ARHGAP32: variants seen among roughly 807,000 people sequenced by gnomAD.
ARHGAP32 encodes Rho GTPase activating protein 32.
Under a neutral mutation model 186.5 loss-of-function variants are expected in ARHGAP32, and 51 were observed. That is an observed-to-expected ratio of 0.27 (90% CI 0.22 to 0.35). ARHGAP32 has a LOEUF of 0.35. Ranked by LOEUF, ARHGAP32 falls within the 10% of genes least tolerant of loss-of-function variation. The probability of loss-of-function intolerance (pLI) is 1.00; values close to 1 mark genes in which losing one functional copy is unlikely to be tolerated. For synonymous variants in ARHGAP32, 950 were observed against 964.3 expected (o/e 0.99, Z 0.27); for missense variants, 2,186 against 2,623.5 (o/e 0.83, Z 3.64).
At chr11:129,068,348 C>T (rs1024112061) in intron 6 of ARHGAP32, among the ~76,000 whole-genome samples, 7 of 151,984 alleles carry the variant, frequency 4.6e-5, no homozygotes, top group Non-Finnish European at 8.8e-5. Flanking sequence ...GCTGTTTGTT[C>T]TTCCTGTCAT....
intron 18 of ARHGAP32, among the ~76,000 whole-genome samples, chr11:128,979,136 C>T (rs1231431748): frequency 1.3e-5 from 2 of 152,052 alleles, no homozygotes; most frequent in Admixed American, 1.3e-4. Context: ...AATATTTTCA[C>T]AAAGATCATT....
rs753663540 is a variant in ARHGAP32 at position 128,970,653 on chromosome 11, A to C, written c.4560T>G (p.Ser1520Arg). The C allele has an allele frequency of 3.7e-6, 6 of 1,613,894 alleles. No individual in the cohort carries two copies. The highest frequency in any genetic ancestry group is 5.1e-6 in the Non-Finnish European group (6 of 1,179,996). Residue 1520 changes from serine to arginine, a missense_variant, in exon 23 of 23, where the codon AGT (serine) becomes AGG (arginine). Physicochemically the swap from Ser to Arg is moderately radical, Grantham distance 110. Transcript: ENST00000682385. This position sits in a 1 kb window ranked among gnomAD's most constrained non-coding sequence, Gnocchi z 5.8. ...CCAATTTATTGTGATGGGGAGGTACACTCTGGGGACGGTACTGGCAGTTTG... is the reference window on the plus strand; with the variant it reads ...CCAATTTATTGTGATGGGGAGGTACCCTCTGGGGACGGTACTGGCAGTTTG... ...MTPNCQYRPQSVPPHHNKLEQ... is the reference protein window; with the variant it reads ...MTPNCQYRPQRVPPHHNKLEQ...
In ARHGAP32 at chr11:129,150,437, G is replaced by A. The variant is rs376600703; in HGVS notation, c.225+13882C>T. Reference sequence around the variant, plus strand: ...CAGTGCCCCACTCAGAACTTAAGACGAAAGAAAGAATCTTAAGAGCTGTGA... The same window carrying A: ...CAGTGCCCCACTCAGAACTTAAGACAAAAGAAAGAATCTTAAGAGCTGTGA... On this transcript the variant is annotated intron_variant, in intron 2 of 22. Transcript: ENST00000682385. 3.7e-4 allele frequency among the ~76,000 whole-genome samples: 57 copies of A among 152,158 alleles called. No homozygotes were observed. The South Asian group carries it at 8.7e-3, about 23-fold the overall frequency.
chr11:129,016,414 T>C (rs751308581), intron 11 of ARHGAP32, among the ~76,000 whole-genome samples: 2 of 152,218 alleles, frequency 1.3e-5, no homozygotes, highest in African/African-American at 2.4e-5. Context: ...CCCTATTTCT[T>C]CTAAAAACTT....
chr11:129,040,123 G>GTT lies in ARHGAP32; in HGVS notation c.1045+803_1045+804dup, dbSNP rs199720926. Among the ~76,000 whole-genome samples, 22 of 149,282 alleles carry GTT rather than the reference G, an allele frequency of 1.5e-4. 1 individual carries two copies. The East Asian group carries it at 2.0e-3, about 13-fold the overall frequency. On this transcript the variant is annotated intron_variant, in intron 11 of 22. Coordinates refer to ENST00000682385, the MANE Select transcript of ARHGAP32 (RefSeq NM_001378024.1). Reference sequence around the variant, plus strand: ...AATACCAAAAGAGTAAAGAATAACTGTTTTTTTTTTCTTAACTCTTACATA... The same window carrying GTT: ...AATACCAAAAGAGTAAAGAATAACTGTTTTTTTTTTTTCTTAACTCTTACATA...
chr11:129,015,532 C>T (rs1015590256), intron 11 of ARHGAP32, among the ~76,000 whole-genome samples: 36 of 152,116 alleles, frequency 2.4e-4, no homozygotes, highest in African/African-American at 7.0e-4. Flanking sequence ...CCACTGTTTC[C>T]GCAATCCTAT....
chr11:129,102,156 G>C (rs1461604500), intron 5 of ARHGAP32, among the ~76,000 whole-genome samples: 3 of 152,096 alleles, frequency 2.0e-5, no homozygotes, highest in Non-Finnish European at 4.4e-5. Flanking sequence ...AATGCTGAGG[G>C]AATTAGTTAC....
chr11:129,254,517 G>A (rs761932907), intron 1 of ARHGAP32, among the ~76,000 whole-genome samples: 4 of 152,078 alleles, frequency 2.6e-5, no homozygotes, highest in African/African-American at 4.8e-5. Context: ...AATGTGAAAT[G>A]GAAGGGGAAA....
chr11:129,036,012 T>C (rs1939318053), intron 11 of ARHGAP32, among the ~76,000 whole-genome samples: 1 of 152,120 alleles, frequency 6.6e-6, no homozygotes, highest in Non-Finnish European at 1.5e-5. Flanking sequence ...GAACTATCAA[T>C]AACTGATTAA....
intron 1 of ARHGAP32, among the ~76,000 whole-genome samples, chr11:129,199,662 C>A (rs953071116): frequency 1.3e-5 from 2 of 152,198 alleles, no homozygotes; most frequent in Non-Finnish European, 2.9e-5. Context: ...GCTGCAGGGG[C>A]GGGGCCCTCC....
chr11:129,218,309 G>A (rs966053663), intron 1 of ARHGAP32, among the ~76,000 whole-genome samples: 7 of 152,058 alleles, frequency 4.6e-5, no homozygotes, highest in East Asian at 3.8e-4. Flanking sequence ...ACATGCCCTG[G>A]TCCTTCTATA....
chr11:129,064,868 G>A lies in ARHGAP32; in HGVS notation c.735C>T (p.Asn245=), dbSNP rs753406488. 7.5e-6 allele frequency: 12 copies of A among 1,598,888 alleles called. No homozygotes were observed. The highest frequency in any genetic ancestry group is 9.4e-6 in the Non-Finnish European group (11 of 1,172,586). Residue 245 remains asparagine (N), a synonymous_variant, in exon 8 of 23, where the codon AAC becomes AAT. Coordinates refer to ENST00000682385, the MANE Select transcript of ARHGAP32 (RefSeq NM_001378024.1). ...RLSAIAGNKI[N]CGPALTWMEI... ...CCATCCAGGTAAGGGCGGGCCCACA[G>A]TTGATCTTGTTGCCAGCGATAGCTG...
intron 2 of ARHGAP32, among the ~76,000 whole-genome samples, chr11:129,152,876 G>C (rs1438987578): frequency 2.6e-5 from 4 of 152,102 alleles, no homozygotes; most frequent in African/African-American, 9.7e-5. Context: ...AGTGCTACAA[G>C]TCCTGGCCGG....
At chr11:128,995,712 G>A (rs973123384) in intron 12 of ARHGAP32, among the ~76,000 whole-genome samples, 1 of 152,180 alleles carries the variant, frequency 6.6e-6, no homozygotes, top group African/African-American at 2.4e-5. Flanking sequence ...GGTGGTGCAT[G>A]CCTATAGTCC....
chr11:129,220,498 T>C (rs1432040530), intron 1 of ARHGAP32, among the ~76,000 whole-genome samples: 2 of 152,146 alleles, frequency 1.3e-5, no homozygotes, highest in Non-Finnish European at 2.9e-5. Context: ...GAGTACATAT[T>C]CCCCAAGTAC....
intron 8 of ARHGAP32, 51 bp downstream of exon 8, chr11:129,064,790 A>C (rs1042303202): frequency 5.9e-6 from 8 of 1,360,896 alleles, no homozygotes; most frequent in Non-Finnish European, 5.1e-6. Context: ...CAAATTTCTT[A>C]AGTAGATAAT....
rs576828731 is a variant in ARHGAP32 at position 129,221,453 on chromosome 11, C to G, written c.-4-57026G>C. Among the ~76,000 whole-genome samples, 3 of 148,678 alleles carry G rather than the reference C, an allele frequency of 2.0e-5. No individual in the cohort carries two copies. In the South Asian group the frequency reaches 6.4e-4, roughly 32 times the overall value. On this transcript the variant is annotated intron_variant, in intron 1 of 6. Coordinates refer to the ARHGAP32 transcript ENST00000525234. Reference sequence around the variant, plus strand: ...CTCCCTCCTAAAACCCCATTACAATCGAAACAAGCTTTGTAATTGTCATTA... The same window carrying G: ...CTCCCTCCTAAAACCCCATTACAATGGAAACAAGCTTTGTAATTGTCATTA...
intron 10 of ARHGAP32, among the ~76,000 whole-genome samples, chr11:129,055,403 AC>A (rs1940211334): frequency 6.6e-6 from 1 of 152,210 alleles, no homozygotes; most frequent in Non-Finnish European, 1.5e-5. Flanking sequence ...ACATACTCTT[AC>A]CATATGATCC....
chr11:129,246,929 G>A (rs886759351), intron 1 of ARHGAP32, among the ~76,000 whole-genome samples: 14 of 152,108 alleles, frequency 9.2e-5, no homozygotes, highest in African/African-American at 3.4e-4. Context: ...CAGTGTTTCA[G>A]TTTGGAACCT....
Sources: gnomAD v4.1 joint callset for allele counts (sites outside exome capture counted in the v4.1 genomes callset) on GRCh38, gnomAD v4.1.1 for gene constraint, Gnocchi (gnomAD v3.1) non-coding constraint, MANE v1.5 for transcripts, NCBI Gene and HGNC (gene_info 2026-07-23, HGNC 2026-07-21) for gene names.